Variants in POP4 observed in about 807,000 individuals in gnomAD.
The protein encoded by POP4 is POP4 ribonuclease P/MRP subunit.
A neutral mutation model predicts 29.9 loss-of-function variants in POP4; 31 were observed. That is an observed-to-expected ratio of 1.04 (90% confidence interval 0.78 to 1.40). The LOEUF (loss-of-function observed/expected upper bound fraction) is 1.40, where lower values mean the gene tolerates loss of function less well. POP4 is among the 40% of genes most tolerant of loss of function. The pLI, the probability that POP4 is intolerant of heterozygous loss-of-function variation, is 0.00. For missense variants in POP4, 286 were observed against 282.7 expected (o/e 1.01, Z -0.08); for synonymous variants, 110 against 108.2 (o/e 1.02, Z -0.10).
In POP4 at chr19:29,610,469, C is replaced by T. The variant is rs776833922; in HGVS notation, c.121C>T (p.Arg41Cys). 9.4e-6 allele frequency: 15 copies of T among 1,602,930 alleles called. No homozygotes were observed. The highest frequency in any genetic ancestry group is 9.0e-5 in the East Asian group (4 of 44,586). Residue 41 changes from arginine to cysteine, a missense_variant, in exon 3 of 7, where the codon CGC becomes TGC. Arg to Cys is a radical substitution (Grantham distance 180, BLOSUM62 -3). Transcript: ENST00000585603. ...VRAFLKRSTP[R>C]MSPQAREDQL... ...GGCCTTCCTGAAGCGCAGCACGCCC[C>T]GCATGAGCCCGCAGGCCCGCGAGGA...
chr19:29,608,171 C>T (rs1971022158), intron 1 of POP4, among the ~76,000 whole-genome samples: 1 of 151,456 alleles, frequency 6.6e-6, no homozygotes, highest in Non-Finnish European at 1.5e-5. Flanking sequence ...AAGCTTTGCT[C>T]TTAATACCAA....
At chr19:29,610,806 G>A (rs781320545) in intron 3 of POP4, 174 bp downstream of exon 3, 10 of 642,638 alleles carry the variant, frequency 1.6e-5, no homozygotes, top group Non-Finnish European at 2.4e-5. Context: ...TCAGCGAGGC[G>A]GGTGAGACAG....
At position 29,606,331 on chromosome 19, in the gene POP4, C is replaced by A. The variant is rs552568458; in HGVS notation, c.7+6C>A. On this transcript the variant is annotated splice_donor_region_variant and intron_variant, in intron 1 of 6. Coordinates refer to ENST00000585603, the MANE Select transcript of POP4 (RefSeq NM_006627.3). The stretch of plus-strand genomic sequence containing the variant: ...AAGCGGTCCGAGAATGAAGAGTAAG[C>A]GGGGCCGCGAAGTTGGAGAGGGTTG... 18 of 1,604,944 alleles carry A rather than the reference C, an allele frequency of 1.1e-5. No individual in the cohort carries two copies. In the Admixed American group the frequency reaches 3.1e-4, roughly 27 times the overall value.
At chr19:29,606,846 AGTAGATTGTCTCG>A (rs146892721) in intron 1 of POP4, among the ~76,000 whole-genome samples, 6,327 of 152,248 alleles carry the variant, frequency 0.042, 282 homozygotes, top group African/African-American at 0.1. Flanking sequence ...TATATGATCA[AGTAGATTGTCTCG>A]GCATGTCTGA....
In POP4 at chr19:29,611,908, A is replaced by G; in HGVS notation, c.331A>G (p.Arg111Gly). ...PLHELWKQYI[R>G]DLCSGLKPDT... Reference sequence around the variant, plus strand: ...CCATGAACTCTGGAAACAGTACATCAGGGACCTGTGCAGTGGGCTCAAGCC... The same window carrying G: ...CCATGAACTCTGGAAACAGTACATCGGGGACCTGTGCAGTGGGCTCAAGCC... The change falls in exon 4 of 7, where the codon AGG becomes GGG. Residue 111 changes from arginine (R) to glycine (G), a missense_variant. Coordinates refer to ENST00000585603, the MANE Select transcript of POP4 (RefSeq NM_006627.3). 6.2e-7 allele frequency: 1 copy of G among 1,614,202 alleles called. No homozygotes were observed. Among genetic ancestry groups the G allele is most frequent in the Non-Finnish European group, 8.5e-7 (1 of 1,180,034 alleles).
intron 2 of POP4, among the ~76,000 whole-genome samples, chr19:29,609,882 G>A (rs1413223398): frequency 6.6e-6 from 1 of 152,088 alleles, no homozygotes; most frequent in Non-Finnish European, 1.5e-5. Flanking sequence ...TGGAAACCCG[G>A]TTAAGGAGTA....
chr19:29,613,758 C>T lies in POP4; in HGVS notation c.425-113C>T, dbSNP rs576202892. ...CCACCCCCTGGGTGCTCTGTTCTTT[C>T]ATCTGCTAGCTCAGAGGGTGGGATC... On this transcript the variant is annotated intron_variant, in intron 5 of 6. Transcript: ENST00000585603. 17 of 1,478,026 alleles carry T rather than the reference C, an allele frequency of 1.2e-5. No individual in the cohort carries two copies. The Admixed American group carries it at 2.9e-4, about 25-fold the overall frequency. 91.6% of individuals were successfully genotyped at this position (1,478,026 alleles called of 1,614,324 possible).
intron 2 of POP4, chr19:29,609,291 A>T (rs905846181): frequency 6.6e-6 from 1 of 152,474 alleles, no homozygotes; most frequent in African/African-American, 2.4e-5. Flanking sequence ...TTTAGTTAGC[A>T]TCTACAGGTG....
intron 6 of POP4, among the ~76,000 whole-genome samples, chr19:29,614,201 G>A (rs1449141631): frequency 6.6e-6 from 1 of 152,226 alleles, no homozygotes; most frequent in Non-Finnish European, 1.5e-5. Flanking sequence ...TGGCCAAGGG[G>A]AAGGAAGACC....
rs990144046 is a variant in POP4, at chr19:29,615,584, T to C, written c.*204T>C. ...AGTCAGAGGACAGAGGAATTTCTCT[T>C]TCTAGGAGATTTTCATTTTGTGTGA... On this transcript the variant is annotated 3_prime_UTR_variant, in exon 7 of 7. Coordinates refer to ENST00000585603, the MANE Select transcript of POP4 (RefSeq NM_006627.3). 24 of 482,564 alleles carry C rather than the reference T, an allele frequency of 5.0e-5. No individual in the cohort carries two copies. The highest frequency in any genetic ancestry group is 4.2e-5 in the Non-Finnish European group (12 of 283,144). 29.9% of individuals were successfully genotyped at this position (482,564 alleles called of 1,614,324 possible). A position where few individuals can be genotyped will look rare whatever the true frequency, so the allele number is the denominator to read the frequency against.
At position 29,613,949 on chromosome 19, in the gene POP4, T is replaced by C; in HGVS notation, c.503T>C (p.Ile168Thr). ...GAAACAAAGCACATTTTCAAAATTA[T>C]CACCAAAGAAGACCGCCTGAAAGGT... Reference protein sequence around the residue: ...LQETKHIFKIITKEDRLKVIP... With the variant: ...LQETKHIFKITTKEDRLKVIP... The change falls in exon 6 of 7, where the codon ATC becomes ACC. Residue 168 changes from isoleucine to threonine, a missense_variant. Coordinates refer to ENST00000585603, the MANE Select transcript of POP4 (RefSeq NM_006627.3). 2 of 1,613,812 alleles carry C rather than the reference T, an allele frequency of 1.2e-6. No homozygotes were observed. The highest frequency in any genetic ancestry group is 2.2e-5 in the South Asian group (2 of 91,038).
chr19:29,610,707 G>A (rs1430448281), intron 3 of POP4, 75 bp downstream of exon 3: 1 of 1,460,328 alleles, frequency 6.8e-7, no homozygotes, highest in Non-Finnish European at 9.3e-7. Flanking sequence ...TGAGTGGCTG[G>A]GGAGGCAGCC....
chr19:29,609,620 GGTTTCTTTGTTT>G (rs1371147854), intron 2 of POP4, among the ~76,000 whole-genome samples: 3 of 150,334 alleles, frequency 2.0e-5, no homozygotes, highest in South Asian at 2.1e-4. Flanking sequence ...GAGCTTGGAG[GGTTTCTTTGTTT>G]GTTTGTTTGT....
At chr19:29,612,412 A>G (rs1044142277) in intron 5 of POP4, among the ~76,000 whole-genome samples, 1 of 152,076 alleles carries the variant, frequency 6.6e-6, no homozygotes, top group Non-Finnish European at 1.5e-5. Flanking sequence ...TACCTTCTCC[A>G]CACAGGGACC....
chr19:29,615,468 C>A lies in POP4; in HGVS notation c.*88C>A. The A allele has an allele frequency of 6.8e-7, 1 of 1,460,376 alleles. No homozygotes were observed. Among genetic ancestry groups the A allele is most frequent in the Non-Finnish European group, 9.3e-7 (1 of 1,072,742 alleles). The allele number at this position is 1,460,376 out of a possible 1,614,324, so 90.5% of individuals were successfully genotyped here. A position where few individuals can be genotyped will look rare whatever the true frequency, so the allele number is the denominator to read the frequency against. The stretch of plus-strand genomic sequence containing the variant: ...ACCTTTCAGTGAAGAGATAGTTAAG[C>A]CAATTCCATTTATAGACCACCTCCA... On this transcript the variant is annotated 3_prime_UTR_variant, in exon 7 of 7. Transcript: ENST00000585603.
chr19:29,608,262 CTTTTTTTTTT>C (rs1164860504), intron 1 of POP4, among the ~76,000 whole-genome samples: 1 of 86,578 alleles, frequency 1.2e-5, no homozygotes, highest in Non-Finnish European at 2.1e-5. Flanking sequence ...CTTTTCTTTT[CTTTTTTTTTT>C]TTTTTTTTTT....
At chr19:29,612,521 TGTCAGCTAC>T (rs1387517092) in intron 5 of POP4, among the ~76,000 whole-genome samples, 6 of 152,168 alleles carry the variant, frequency 3.9e-5, no homozygotes, top group African/African-American at 1.2e-4. Context: ...TGGTTTCAAA[TGTCAGCTAC>T]ACCTGACAGC....
intron 5 of POP4, among the ~76,000 whole-genome samples, chr19:29,613,416 T>A (rs1971094364): frequency 6.6e-6 from 1 of 152,162 alleles, no homozygotes; most frequent in Admixed American, 6.5e-5. Context: ...GGCTGCTGCT[T>A]GTGATGGTGG....
chr19:29,609,074 C>T (rs1188624319), intron 2 of POP4: 6 of 179,672 alleles, frequency 3.3e-5, no homozygotes, highest in Non-Finnish European at 3.5e-5. Flanking sequence ...GTGAAATTTA[C>T]AGATTATATC....
Sources: gnomAD v4.1 joint callset for allele counts (sites outside exome capture counted in the v4.1 genomes callset) on GRCh38, gnomAD v4.1.1 for gene constraint, MANE v1.5 for transcripts, NCBI Gene and HGNC (gene_info 2026-07-23, HGNC 2026-07-21) for gene names.